The following KAZN variants were observed in gnomAD, a reference collection of about 807,000 sequenced individuals.
The protein encoded by KAZN is kazrin.
KAZN carries 40 observed loss-of-function variants against 87.4 expected under a neutral mutation model. The observed-to-expected ratio is 0.46, with a 90% CI of 0.36 to 0.60. The LOEUF is 0.60. KAZN is among the 20% of genes least tolerant of loss of function. The probability of loss-of-function intolerance (pLI) is 0.00; values close to 1 mark genes in which losing one functional copy is unlikely to be tolerated. For synonymous variants in KAZN, 466 were observed against 458.3 expected, an observed-to-expected ratio of 1.02 and a Z score of -0.22; for missense variants, 898 against 1,073.9, an observed-to-expected ratio of 0.84 and a Z score of 2.29.
chr1:14,759,793 T>A (rs1416414637), intron 1 of KAZN, among the ~76,000 whole-genome samples: 1 of 152,120 alleles, frequency 6.6e-6, no homozygotes, highest in African/African-American at 2.4e-5. Flanking sequence ...ATCTGAACAA[T>A]GAGTATGTGT....
At chr1:14,594,173 A>G (rs1231518665), upstream of KAZN, among the ~76,000 whole-genome samples, 12 of 152,110 alleles carry the variant, frequency 7.9e-5, no homozygotes, top group Admixed American at 2.6e-4. Context: ...GCTTAATTCA[A>G]TTACTCATTG....
chr1:14,358,457 T>C (rs1415799702), intron 2 of KAZN, among the ~76,000 whole-genome samples: 1 of 152,194 alleles, frequency 6.6e-6, no homozygotes, highest in East Asian at 1.9e-4. Context: ...ATTTCTTGTA[T>C]TTTGCTAGCT....
intron 1 of KAZN, among the ~76,000 whole-genome samples, chr1:13,916,586 G>C (rs1639861788): frequency 6.6e-6 from 1 of 152,206 alleles, no homozygotes; most frequent in African/African-American, 2.4e-5. Flanking sequence ...AAATAGCAGA[G>C]AGAATTAGAC....
intron 1 of KAZN, among the ~76,000 whole-genome samples, chr1:14,128,623 C>A (rs889535015): frequency 2.0e-4 from 30 of 152,078 alleles, no homozygotes; most frequent in African/African-American, 7.0e-4. Context: ...TAGGGATCAC[C>A]CAAACAGGCT....
rs35461813 is a variant in KAZN at position 14,444,306 on chromosome 1, A to ATTTTTTTT, written c.250-154661_250-154654dup. 7.7e-4 allele frequency among the ~76,000 whole-genome samples: 73 copies of ATTTTTTTT among 95,228 alleles called. 4 individuals are homozygous for ATTTTTTTT. Among genetic ancestry groups the ATTTTTTTT allele is most frequent in the Middle Eastern group, 7.2e-3 (1 of 138 alleles). 62.5% of individuals were successfully genotyped at this position (95,228 alleles called of 152,430 possible). ...ATCTCCAAAATAAACTAAATTCATG[A>ATTTTTTTT]TTTTTTTTTTTTTTTTTTTTTTTGA... is the stretch of plus-strand genomic sequence containing the variant. On this transcript the variant is annotated intron_variant, in intron 2 of 16. Coordinates refer to the KAZN transcript ENST00000636203.
chr1:15,101,439 C>G (rs1462539421), intron 10 of KAZN, 104 bp from the exon 11 acceptor site: 7 of 747,984 alleles, frequency 9.4e-6, no homozygotes, highest in Non-Finnish European at 1.1e-5. Flanking sequence ...CTCCCCCAAC[C>G]CCATTGCTTT....
At chr1:14,174,501 G>A (rs746080402) in intron 1 of KAZN, among the ~76,000 whole-genome samples, 2 of 152,168 alleles carry the variant, frequency 1.3e-5, no homozygotes, top group Non-Finnish European at 2.9e-5. Flanking sequence ...ATACAAGGCA[G>A]GCTCTAAATG....
chr1:14,374,063 T>G (rs533024762), intron 2 of KAZN, among the ~76,000 whole-genome samples: 2 of 152,098 alleles, frequency 1.3e-5, no homozygotes, highest in East Asian at 3.9e-4. Context: ...TTGGAGGAGG[T>G]TGATAATTAG....
chr1:14,803,639 A>G (rs1378825498), intron 1 of KAZN, among the ~76,000 whole-genome samples: 3 of 152,354 alleles, frequency 2.0e-5, no homozygotes, highest in Non-Finnish European at 4.4e-5. Flanking sequence ...GCAGAGCCAC[A>G]AGTGGGCCCC....
chr1:14,127,109 C>T (rs200797502), intron 1 of KAZN, among the ~76,000 whole-genome samples: 1 of 30,606 alleles, frequency 3.3e-5, no homozygotes, highest in Non-Finnish European at 5.0e-5. Flanking sequence ...CCATCTCAAA[C>T]AAAACAAAAC....
At chr1:14,436,499 C>T (rs1281927197) in intron 2 of KAZN, among the ~76,000 whole-genome samples, 4 of 151,748 alleles carry the variant, frequency 2.6e-5, no homozygotes. Context: ...AGGCAGATCA[C>T]CTGAGGTCAG....
intron 13 of KAZN, among the ~76,000 whole-genome samples, chr1:15,106,335 C>T (rs1641295279): frequency 6.6e-6 from 1 of 152,184 alleles, no homozygotes; most frequent in African/African-American, 2.4e-5. Flanking sequence ...AATCAAAAGA[C>T]ACAGGAAAAA....
At chr1:14,532,866 C>A (rs6671734) in intron 2 of KAZN, among the ~76,000 whole-genome samples, 109,957 of 151,560 alleles carry the variant, frequency 0.73, 40,394 homozygotes, top group South Asian at 0.87. Flanking sequence ...AATCCAGTGT[C>A]CTGTTGTTGG....
chr1:14,991,780 C>T (rs1316844199), intron 2 of KAZN, among the ~76,000 whole-genome samples: 2 of 152,192 alleles, frequency 1.3e-5, no homozygotes, highest in African/African-American at 4.8e-5. Context: ...CCCTGGACCG[C>T]CAGAGCCTGG....
intron 8 of KAZN, among the ~76,000 whole-genome samples, chr1:15,088,476 G>C (rs1573281616): frequency 6.6e-6 from 1 of 152,146 alleles, no homozygotes; most frequent in Admixed American, 6.5e-5. Context: ...GAAGGATCCC[G>C]AGTGACTGCC....
At chr1:14,125,625 G>C (rs1644847593) in intron 1 of KAZN, among the ~76,000 whole-genome samples, 1 of 152,084 alleles carries the variant, frequency 6.6e-6, no homozygotes, top group African/African-American at 2.4e-5. Context: ...GAGACTTTTG[G>C]GGGAGCGGGG....
intron 1 of KAZN, among the ~76,000 whole-genome samples, chr1:14,078,602 A>C (rs1570685142): frequency 6.6e-6 from 1 of 152,314 alleles, no homozygotes; most frequent in Admixed American, 6.5e-5. Flanking sequence ...GTGTCTGGTG[A>C]GGGCCAGCTT....
intron 1 of KAZN, among the ~76,000 whole-genome samples, chr1:14,957,176 A>C (rs1663216731): frequency 6.6e-6 from 1 of 152,188 alleles, no homozygotes; most frequent in African/African-American, 2.4e-5. Context: ...GAATGAGAGC[A>C]GGGGCATGGC....
chr1:14,843,633 A>G (rs1352242937), intron 1 of KAZN, among the ~76,000 whole-genome samples: 1 of 152,232 alleles, frequency 6.6e-6, no homozygotes, highest in Non-Finnish European at 1.5e-5. Context: ...GATTCCAGCA[A>G]ATTCGCCTCC....
Sources: allele counts gnomAD v4.1 joint callset (sites outside exome capture counted in the v4.1 genomes callset), GRCh38; gene constraint gnomAD v4.1.1; transcripts MANE v1.5; gene names NCBI Gene and HGNC (gene_info 2026-07-23, HGNC 2026-07-21).